Variants in MCPH1 observed in about 807,000 individuals in gnomAD.
The protein encoded by MCPH1 is microcephalin.
In MCPH1, 104 loss-of-function variants were observed where a neutral mutation model predicts 84.5. That is an observed-to-expected ratio of 1.23 (90% confidence interval 1.05 to 1.45). The LOEUF (loss-of-function observed/expected upper bound fraction) is 1.45, where lower values mean the gene tolerates loss of function less well. Ranked by LOEUF, MCPH1 falls within the 40% of genes most tolerant of loss-of-function variation. MCPH1 has a pLI of 0.00. For synonymous variants in MCPH1, 514 were observed against 366.8 expected (o/e 1.40, Z -4.58); for missense variants, 1,498 against 1,005.7 (o/e 1.49, Z -6.62).
chr8:6,442,096 A>G lies in MCPH1; in HGVS notation c.610A>G (p.Asn204Asp), dbSNP rs779062888. ...SSQMIQQSHD[N>D]PSNSLCEAPL... ...CCAAATGATTCAGCAGTCTCATGAT[A>G]ATCCAAGTAACTCTCTGTGTGAAGC... Residue 204 changes from asparagine (N) to aspartate (D), a missense_variant, in exon 7 of 14, where the codon AAT (asparagine) becomes GAT (aspartate). Asn to Asp is a conservative substitution (Grantham distance 23, BLOSUM62 1). Transcript: ENST00000344683. 3.0e-5 allele frequency: 49 copies of G among 1,613,410 alleles called. No individual in the cohort carries two copies. Among genetic ancestry groups the G allele is most frequent in the Non-Finnish European group, 3.9e-5 (46 of 1,179,478 alleles).
chr8:6,512,043 A>G (rs191203491), intron 12 of MCPH1, among the ~76,000 whole-genome samples: 1 of 151,964 alleles, frequency 6.6e-6, no homozygotes, highest in Admixed American at 6.6e-5. Flanking sequence ...TCAAGTTGGA[A>G]CTGCTGTGAG....
intron 1 of MCPH1, 123 bp from the exon 2 acceptor site, chr8:6,409,156 G>A: frequency 3.7e-6 from 3 of 811,028 alleles, no homozygotes; most frequent in Non-Finnish European, 4.2e-6. Context: ...ACAGTGCTGG[G>A]ATTACAGGCG....
At chr8:6,443,046 C>T (rs1416135864) in intron 7 of MCPH1, among the ~76,000 whole-genome samples, 1 of 152,170 alleles carries the variant, frequency 6.6e-6, no homozygotes, top group African/African-American at 2.4e-5. Context: ...ACATTGATTT[C>T]ATTTTTGTTG....
At chr8:6,530,746 ATTCTC>A in intron 12 of MCPH1, among the ~76,000 whole-genome samples, 1 of 152,190 alleles carries the variant, frequency 6.6e-6, no homozygotes, top group African/African-American at 2.4e-5. Flanking sequence ...TTGTTATTCT[ATTCTC>A]TTATCTGTAA....
At chr8:6,433,013 TCA>T (rs1216407684) in intron 4 of MCPH1, among the ~76,000 whole-genome samples, 4 of 152,204 alleles carry the variant, frequency 2.6e-5, no homozygotes, top group South Asian at 2.1e-4. Context: ...ATGTACACAC[TCA>T]CACATGCATG....
chr8:6,413,564 C>T (rs1798830960), intron 2 of MCPH1, among the ~76,000 whole-genome samples: 1 of 151,886 alleles, frequency 6.6e-6, no homozygotes, highest in Admixed American at 6.6e-5. Flanking sequence ...TTCTGATGTT[C>T]TTGCCTTTTG....
At chr8:6,487,141 A>G (rs1037251798) in intron 11 of MCPH1, among the ~76,000 whole-genome samples, 1 of 152,246 alleles carries the variant, frequency 6.6e-6, no homozygotes, top group African/African-American at 2.4e-5. Context: ...TTTAAAGCTA[A>G]TTCACTTATA....
At chr8:6,506,688 G>C (rs1328258251) in intron 12 of MCPH1, among the ~76,000 whole-genome samples, 1 of 151,918 alleles carries the variant, frequency 6.6e-6, no homozygotes, top group Non-Finnish European at 1.5e-5. Context: ...TCAATAGGAG[G>C]GCTTTGCTCA....
intron 3 of MCPH1, among the ~76,000 whole-genome samples, chr8:6,428,868 C>T (rs1208467228): frequency 6.6e-6 from 1 of 152,256 alleles, no homozygotes; most frequent in Non-Finnish European, 1.5e-5. Context: ...GCTCCTTTCA[C>T]ACTTGTGGCT....
At chr8:6,475,537 C>T (rs117908524) in intron 9 of MCPH1, among the ~76,000 whole-genome samples, 6 of 152,198 alleles carry the variant, frequency 3.9e-5, no homozygotes, top group African/African-American at 1.4e-4. Flanking sequence ...ATGGAATGTG[C>T]AAATTCAGCA....
At chr8:6,482,641 G>A (rs1809384274) in intron 11 of MCPH1, among the ~76,000 whole-genome samples, 1 of 152,222 alleles carries the variant, frequency 6.6e-6, no homozygotes, top group East Asian at 1.9e-4. Flanking sequence ...GGTCAGACGT[G>A]AGAACGTACT....
At chr8:6,606,160 T>C (rs971402841) in intron 12 of MCPH1, among the ~76,000 whole-genome samples, 13 of 152,226 alleles carry the variant, frequency 8.5e-5, no homozygotes, top group African/African-American at 3.1e-4. Context: ...TGTTGCAAGA[T>C]TCTGGAGAGT....
At chr8:6,473,355 G>T (rs1808013912) in intron 9 of MCPH1, among the ~76,000 whole-genome samples, 1 of 102,330 alleles carries the variant, frequency 9.8e-6, no homozygotes, top group Non-Finnish European at 1.8e-5. Flanking sequence ...TTTTGAGACG[G>T]AGTCGGGCTC....
intron 12 of MCPH1, chr8:6,532,592 AT>A (rs1454271965): frequency 1.7e-5 from 14 of 806,082 alleles, no homozygotes; most frequent in South Asian, 3.4e-5. Context: ...AAAAAAAAAA[AT>A]CTATCAAAAG....
intron 3 of MCPH1, among the ~76,000 whole-genome samples, chr8:6,422,912 TCTC>T (rs1355959611): frequency 2.6e-5 from 4 of 151,770 alleles, no homozygotes; most frequent in Non-Finnish European, 5.9e-5. Context: ...ATGGTCTCGA[TCTC>T]CTGACCTTGT....
intron 9 of MCPH1, chr8:6,474,144 C>T: frequency 2.6e-6 from 2 of 755,534 alleles, no homozygotes; most frequent in South Asian, 1.4e-5. Context: ...ACAATAACTC[C>T]ACATTCTCTC....
chr8:6,435,887 AAAAT>A (rs1468509443), intron 4 of MCPH1, among the ~76,000 whole-genome samples, 157 bp from the exon 5 acceptor site: 1 of 152,246 alleles, frequency 6.6e-6, no homozygotes, highest in African/African-American at 2.4e-5. Context: ...ACTGCACAAA[AAAAT>A]AAATATTGCC....
intron 8 of MCPH1, 97 bp downstream of exon 8, chr8:6,445,644 C>A: frequency 1.3e-6 from 2 of 1,483,300 alleles, no homozygotes; most frequent in Non-Finnish European, 1.8e-6. Flanking sequence ...TAACTTATTT[C>A]CCCATTTACT....
At chr8:6,466,638 C>T (rs1470475108) in intron 9 of MCPH1, among the ~76,000 whole-genome samples, 1 of 151,620 alleles carries the variant, frequency 6.6e-6, no homozygotes, top group Non-Finnish European at 1.5e-5. Context: ...GACAGGGTTT[C>T]ACCGTGTTGG....
Sources: allele counts gnomAD v4.1 joint callset (sites outside exome capture counted in the v4.1 genomes callset), GRCh38; gene constraint gnomAD v4.1.1; transcripts MANE v1.5; gene names NCBI Gene and HGNC (gene_info 2026-07-23, HGNC 2026-07-21).